KLHDC4: variants seen among roughly 807,000 people sequenced by gnomAD.
The protein encoded by KLHDC4 is kelch domain-containing protein 4.
Under a neutral mutation model 62.4 loss-of-function variants are expected in KLHDC4, and 90 were observed. The ratio of observed to expected loss-of-function variants is 1.44; its 90% CI spans 1.22 to 1.72. The LOEUF is 1.72. Among genes scored for constraint, KLHDC4 ranks in the 40% most tolerant of loss-of-function variants. The probability of loss-of-function intolerance (pLI) is 0.00; values close to 1 mark genes in which losing one functional copy is unlikely to be tolerated. For synonymous variants in KLHDC4, 386 were observed against 284.4 expected (o/e 1.36, Z -3.59); for missense variants, 1,025 against 699.7 (o/e 1.47, Z -5.25).
At position 87,711,372 on chromosome 16, in the gene KLHDC4, T is replaced by C. The variant is rs372098520; in HGVS notation, c.907A>G (p.Met303Val). Residue 303 changes from methionine to valine, a missense_variant, in exon 9 of 12, where the codon ATG becomes GTG. Physicochemically the swap from Met to Val is conservative, Grantham distance 21. Coordinates refer to ENST00000270583, the MANE Select transcript of KLHDC4 (RefSeq NM_017566.4). ...PTPRSGFSVA[M>V]APNHQTLFFG... ...AACAGTGTCTGGTGATTCGGGGCCA[T>C]GGCCACGGAAAAGCCAGACCGTGGG... 1.7e-5 allele frequency: 28 copies of C among 1,613,678 alleles called. No individual in the cohort carries two copies. The highest frequency in any genetic ancestry group is 2.4e-5 in the Non-Finnish European group (28 of 1,180,004).
intron 2 of KLHDC4, among the ~76,000 whole-genome samples, chr16:87,759,953 GCCC>G (rs778489477): frequency 2.6e-5 from 4 of 152,126 alleles, no homozygotes; most frequent in Non-Finnish European, 4.4e-5. Flanking sequence ...CTGGTGTCAT[GCCC>G]CCATTTTCCA....
chr16:87,700,156 G>A (rs2034069134), exon 1 of KLHDC4: 1 of 152,610 alleles, frequency 6.6e-6, no homozygotes, highest in Admixed American at 6.5e-5. Context: ...ACGCTCTGCA[G>A]GAGACAGCGG....
chr16:87,698,166 A>ATTGT (rs1488870094), exon 1 of KLHDC4: 3 of 152,420 alleles, frequency 2.0e-5, no homozygotes, highest in African/African-American at 7.2e-5. Flanking sequence ...ATTCAGTTTT[A>ATTGT]TTGTTTTCCG....
chr16:87,711,528 G>T, intron 8 of KLHDC4, 85 bp from the exon 9 acceptor site: 1 of 1,204,440 alleles, frequency 8.3e-7, no homozygotes, highest in Non-Finnish European at 1.1e-6. Flanking sequence ...GACCCCAGGT[G>T]CCCCCCAGAA....
At position 87,707,820 on chromosome 16, in the gene KLHDC4, C is replaced by A; in HGVS notation, c.*257G>T. The A allele has an allele frequency of 5.1e-6, 2 of 390,976 alleles. No individual in the cohort carries two copies. Among genetic ancestry groups the A allele is most frequent in the South Asian group, 1.9e-5 (1 of 53,482 alleles). 24.2% of individuals were successfully genotyped at this position (390,976 alleles called of 1,614,324 possible). A position where few individuals can be genotyped will look rare whatever the true frequency, so the allele number is the denominator to read the frequency against. ...GACACCCTCCGCGGTGGTCTTGTTT[C>A]AAGTCCAATTTATTTCACACAACAC... On this transcript the variant is annotated 3_prime_UTR_variant, in exon 12 of 12. Coordinates refer to ENST00000270583, the MANE Select transcript of KLHDC4 (RefSeq NM_017566.4).
chr16:87,741,200 A>G (rs2042187894), intron 5 of KLHDC4, among the ~76,000 whole-genome samples: 1 of 152,222 alleles, frequency 6.6e-6, no homozygotes, highest in Admixed American at 6.5e-5. Context: ...AGTATCCACT[A>G]GTCATCCAAT....
chr16:87,739,907 T>C (rs2041993964), intron 5 of KLHDC4: 1 of 152,282 alleles, frequency 6.6e-6, no homozygotes, highest in African/African-American at 2.4e-5. Context: ...ATCATGGTGT[T>C]GGCTGCGCAA....
At chr16:87,701,946 G>C in exon 1 of KLHDC4, 1 of 456,256 alleles carries the variant, frequency 2.2e-6, no homozygotes, top group Non-Finnish European at 4.4e-6. Context: ...TGGTAGATGG[G>C]GCTCTGCTCT....
chr16:87,754,766 C>A (rs953972659), intron 4 of KLHDC4, among the ~76,000 whole-genome samples: 1 of 152,224 alleles, frequency 6.6e-6, no homozygotes, highest in Non-Finnish European at 1.5e-5. Context: ...CAGCTAACCA[C>A]GTGCTAAGTC....
At position 87,714,548 on chromosome 16, in the gene KLHDC4, C is replaced by T. The variant is rs1466645311; in HGVS notation, c.785G>A (p.Gly262Asp). The T allele has an allele frequency of 6.2e-7, 1 of 1,614,040 alleles. No individual in the cohort carries two copies. The highest frequency in any genetic ancestry group is 1.3e-5 in the African/African-American group (1 of 74,922). The change falls in exon 8 of 12, where the codon GGC (glycine) becomes GAC (aspartate). Residue 262 changes from glycine (G) to aspartate (D), a missense_variant. By Grantham distance (94) the Gly-to-Asp change is moderately conservative. Coordinates refer to ENST00000270583, the MANE Select transcript of KLHDC4 (RefSeq NM_017566.4). Reference sequence around the variant, plus strand: ...CAGGAACATGTCTGAGTGCCGTGTGCCCTTGTCCACGTCTTTCTTAACTCT... The same window carrying T: ...CAGGAACATGTCTGAGTGCCGTGTGTCCTTGTCCACGTCTTTCTTAACTCT... ...KQRVKKDVDK[G>D]TRHSDMFLLK...
intron 2 of KLHDC4, chr16:87,757,586 G>A (rs2045179491): frequency 6.6e-6 from 1 of 151,770 alleles, no homozygotes; most frequent in African/African-American, 2.4e-5. Flanking sequence ...GAGCTACAAG[G>A]AAATTACATA....
intron 4 of KLHDC4, among the ~76,000 whole-genome samples, 189 bp from the exon 5 acceptor site, chr16:87,748,998 C>T (rs2043474898): frequency 6.7e-6 from 1 of 149,732 alleles, no homozygotes; most frequent in Non-Finnish European, 1.5e-5. Context: ...CGTAGGAAAG[C>T]ACGTCCTCAG....
chr16:87,760,046 A>T (rs544294341), intron 2 of KLHDC4, among the ~76,000 whole-genome samples: 2 of 152,198 alleles, frequency 1.3e-5, no homozygotes, highest in East Asian at 3.9e-4. Context: ...AAGTAATATG[A>T]TTAAGAAATA....
chr16:87,706,021 A>C (rs2034632157), downstream of KLHDC4, among the ~76,000 whole-genome samples: 1 of 150,038 alleles, frequency 6.7e-6, no homozygotes, highest in South Asian at 2.1e-4. Context: ...GGGTTGGCAC[A>C]AGGCAACACA....
intron 1 of KLHDC4, 47 bp from the exon 2 acceptor site, chr16:87,762,087 C>T (rs1344280738): frequency 2.5e-6 from 4 of 1,602,204 alleles, no homozygotes; most frequent in East Asian, 2.2e-5. Flanking sequence ...CCAGGACCCG[C>T]CGCGGAGCCA....
intron 4 of KLHDC4, chr16:87,750,913 G>C (rs74372346): frequency 6.6e-6 from 1 of 152,342 alleles, no homozygotes; most frequent in East Asian, 1.9e-4. Flanking sequence ...CATTCTAAAA[G>C]CCCAGTAGTT....
rs8182186 is a variant in KLHDC4, at chr16:87,754,908, G to A, written c.369+286C>T. On this transcript the variant is annotated intron_variant, in intron 4 of 11. Coordinates refer to ENST00000270583, the MANE Select transcript of KLHDC4 (RefSeq NM_017566.4). Reference sequence around the variant, plus strand: ...TCTAGTCCAGACCGTGGGCCTAGGGGGAGTGAGCATTCTGCCAGTGGCTGC... The same window carrying A: ...TCTAGTCCAGACCGTGGGCCTAGGGAGAGTGAGCATTCTGCCAGTGGCTGC... Among the ~76,000 whole-genome samples, 913 of 152,282 alleles carry A rather than the reference G, an allele frequency of 6.0e-3. 24 individuals carry two copies. The highest frequency in any genetic ancestry group is 0.056 in the East Asian group (290 of 5,188).
chr16:87,736,392 G>A (rs111870936), intron 5 of KLHDC4, among the ~76,000 whole-genome samples: 1 of 152,180 alleles, frequency 6.6e-6, no homozygotes, highest in African/African-American at 2.4e-5. Context: ...CTGCTGCACC[G>A]GCGGCCTAGA....
At chr16:87,764,966 C>G in intron 1 of KLHDC4, 14 of 367,496 alleles carry the variant, frequency 3.8e-5, no homozygotes, top group South Asian at 2.7e-4. Flanking sequence ...GTCAAGAGCT[C>G]CTGATTCAGG....
Sources: gnomAD v4.1 joint callset for allele counts (sites outside exome capture counted in the v4.1 genomes callset) on GRCh38, gnomAD v4.1.1 for gene constraint, MANE v1.5 for transcripts, NCBI Gene and HGNC (gene_info 2026-07-23, HGNC 2026-07-21) for gene names.